CDK19: variants seen among roughly 807,000 people sequenced by gnomAD.
CDK19 encodes cyclin dependent kinase 19.
A neutral mutation model predicts 68.3 loss-of-function variants in CDK19; 20 were observed. That is an observed-to-expected ratio of 0.29 (90% CI 0.21 to 0.43). CDK19 has a LOEUF of 0.43. Among genes scored for constraint, CDK19 ranks in the 20% least tolerant of loss-of-function variants. The probability of loss-of-function intolerance (pLI) is 1.00; values close to 1 mark genes in which losing one functional copy is unlikely to be tolerated. For missense variants in CDK19, 339 were observed against 623.5 expected (o/e 0.54, Z 4.86); for synonymous variants, 221 against 222.8 (o/e 0.99, Z 0.07).
intron 4 of CDK19, among the ~76,000 whole-genome samples, chr6:110,640,670 G>A (rs1225879130): frequency 1.3e-5 from 2 of 152,162 alleles, no homozygotes; most frequent in Non-Finnish European, 2.9e-5. Flanking sequence ...TTGAAAAATG[G>A]TTAGGCGTGG....
chr6:110,763,844 G>A (rs993124819), intron 1 of CDK19, among the ~76,000 whole-genome samples: 5 of 152,096 alleles, frequency 3.3e-5, no homozygotes, highest in South Asian at 2.1e-4. Flanking sequence ...AATTGTCTAC[G>A]AAGAAAATCC....
Position 110,744,010 on chromosome 6 carries a change from C to CG in CDK19, c.204+2115dup, listed in dbSNP as rs1361645826. ...GTAAAACATTACAAATACCTCCCCA[C>CG]GTTTTTTTTTTTTTTTTTTTTGAGA... On this transcript the variant is annotated intron_variant, in intron 2 of 12. Coordinates refer to ENST00000368911, the MANE Select transcript of CDK19 (RefSeq NM_015076.5). Among the ~76,000 whole-genome samples, 65 of 88,084 alleles carry CG rather than the reference C, an allele frequency of 7.4e-4. 2 individuals carry two copies. The highest frequency in any genetic ancestry group is 8.9e-4 in the African/African-American group (21 of 23,546). The allele number at this position is 88,084 out of a possible 152,430, so 57.8% of individuals were successfully genotyped here. A position where few individuals can be genotyped will look rare whatever the true frequency, so the allele number is the denominator to read the frequency against.
chr6:110,734,671 C>T (rs546638197), intron 2 of CDK19, among the ~76,000 whole-genome samples: 1 of 151,994 alleles, frequency 6.6e-6, no homozygotes, highest in South Asian at 2.1e-4. Flanking sequence ...CCACAAAATC[C>T]CCAAAGAGTC....
In CDK19 at chr6:110,734,911, G is replaced by C. The variant is rs574103147; in HGVS notation, c.204+11215C>G. 5.9e-5 allele frequency among the ~76,000 whole-genome samples: 9 copies of C among 152,182 alleles called. No individual in the cohort carries two copies. The South Asian group carries it at 1.7e-3, about 28-fold the overall frequency. On this transcript the variant is annotated intron_variant, in intron 2 of 12. Transcript: ENST00000368911. ...TATTAAATGCAAAATTAAATTACTTGAATAGTAATTGGTACAATAGTAAAT... is the reference window on the plus strand; with the variant it reads ...TATTAAATGCAAAATTAAATTACTTCAATAGTAATTGGTACAATAGTAAAT...
rs1218784591 is a variant in CDK19, at chr6:110,667,467, G to A, written c.423C>T (p.Tyr141=). The A allele has an allele frequency of 6.9e-6, 11 of 1,594,222 alleles. No individual in the cohort carries two copies. The highest frequency in any genetic ancestry group is 5.7e-5 in the South Asian group (5 of 87,148). Residue 141 remains tyrosine, a synonymous_variant, in exon 4 of 13, where the codon TAC becomes TAT. Coordinates refer to ENST00000368911, the MANE Select transcript of CDK19 (RefSeq NM_015076.5). ...TGTGAAGCACCCAATTTGCATGGAG[G>A]TAATGGATACCATCAAGAATCTGGT... ...LLYQILDGIH[Y]LHANWVLHRD...
chr6:110,721,175 G>C (rs146486325), intron 2 of CDK19, among the ~76,000 whole-genome samples: 6,216 of 152,214 alleles, frequency 0.041, 214 homozygotes, highest in Non-Finnish European at 0.054. Flanking sequence ...GGGAGGCGGA[G>C]GTTGCAGTGA....
chr6:110,734,018 T>A (rs6934150), intron 2 of CDK19, among the ~76,000 whole-genome samples: 1,878 of 152,154 alleles, frequency 0.012, 35 homozygotes, highest in African/African-American at 0.043. Context: ...AACTTTGGTT[T>A]TTTTGTTTTT....
chr6:110,744,622 C>T (rs1423888050), intron 2 of CDK19, among the ~76,000 whole-genome samples: 1 of 152,112 alleles, frequency 6.6e-6, no homozygotes, highest in African/African-American at 2.4e-5. Context: ...TTTATTTATT[C>T]AAGAAACATT....
intron 4 of CDK19, among the ~76,000 whole-genome samples, chr6:110,648,545 T>C (rs967474489): frequency 9.7e-5 from 14 of 144,976 alleles, no homozygotes; most frequent in African/African-American, 3.3e-4. Context: ...TTTCTTTTTT[T>C]TTTTTTTTTT....
rs555656343 is a variant in CDK19, at chr6:110,633,115, A to G, written c.515-954T>C. Among the ~76,000 whole-genome samples, 17 of 152,204 alleles carry G rather than the reference A, an allele frequency of 1.1e-4. No individual in the cohort carries two copies. The East Asian group carries it at 3.3e-3, about 30-fold the overall frequency. On this transcript the variant is annotated intron_variant, in intron 5 of 12. Transcript: ENST00000368911. ...GCACCTGTAGTCCCAGCCACTACGG[A>G]GGCTGAGGCAGGAGAATCACTTGAA...
At chr6:110,721,762 A>T (rs1775907730) in intron 2 of CDK19, among the ~76,000 whole-genome samples, 1 of 152,022 alleles carries the variant, frequency 6.6e-6, no homozygotes, top group Middle Eastern at 3.2e-3. Context: ...CAAGGATTTG[A>T]GATCAGCCTG....
intron 2 of CDK19, among the ~76,000 whole-genome samples, chr6:110,710,326 T>C (rs1315970711): frequency 1.3e-5 from 2 of 152,160 alleles, no homozygotes; most frequent in East Asian, 1.9e-4. Context: ...TTGTCTTATG[T>C]GGGAGAGGCT....
At chr6:110,772,051 TG>T (rs1780051323) in intron 1 of CDK19, among the ~76,000 whole-genome samples, 1 of 152,190 alleles carries the variant, frequency 6.6e-6, no homozygotes, top group Non-Finnish European at 1.5e-5. Flanking sequence ...CCCTTCAAAC[TG>T]TTCCAACCTC....
At chr6:110,811,774 G>GT (rs1180190546) in intron 1 of CDK19, among the ~76,000 whole-genome samples, 1 of 152,008 alleles carries the variant, frequency 6.6e-6, no homozygotes, top group East Asian at 1.9e-4. Context: ...GCATGAGCCT[G>GT]TAATGCCAGC....
chr6:110,747,162 T>C (rs999203929), intron 1 of CDK19, among the ~76,000 whole-genome samples: 4 of 152,206 alleles, frequency 2.6e-5, no homozygotes, highest in African/African-American at 9.6e-5. Flanking sequence ...GCCAAAGTAG[T>C]GCCACATCTG....
intron 2 of CDK19, among the ~76,000 whole-genome samples, chr6:110,677,572 A>T (rs1771638734): frequency 7.4e-6 from 1 of 135,938 alleles, no homozygotes; most frequent in Non-Finnish European, 1.7e-5. Flanking sequence ...TCTCAACATA[A>T]AAAAAAAAAA....
At chr6:110,670,775 T>G in intron 2 of CDK19, 1 of 605,404 alleles carries the variant, frequency 1.7e-6, no homozygotes, top group Non-Finnish European at 3.1e-6. Context: ...TTTTGTTTTG[T>G]TTTACTTTCT....
At chr6:110,628,103 G>A (rs1779204229) in intron 6 of CDK19, among the ~76,000 whole-genome samples, 1 of 152,058 alleles carries the variant, frequency 6.6e-6, no homozygotes, top group South Asian at 2.1e-4. Flanking sequence ...CCCAGCTACT[G>A]AGGAGGCAGA....
At chr6:110,686,456 C>T (rs1451031985) in intron 2 of CDK19, among the ~76,000 whole-genome samples, 1 of 152,206 alleles carries the variant, frequency 6.6e-6, no homozygotes, top group Non-Finnish European at 1.5e-5. Flanking sequence ...GATAAAATCC[C>T]TACTTTATTC....
Sources: gnomAD v4.1 joint callset for allele counts (sites outside exome capture counted in the v4.1 genomes callset) on GRCh38, gnomAD v4.1.1 for gene constraint, MANE v1.5 for transcripts, NCBI Gene and HGNC (gene_info 2026-07-23, HGNC 2026-07-21) for gene names.